Variants in PTGIS observed in about 807,000 individuals in gnomAD.
PTGIS encodes the protein prostacyclin synthase.
Under a neutral mutation model 50.3 loss-of-function variants are expected in PTGIS, and 45 were observed. That is an observed-to-expected ratio of 0.90 (90% CI 0.70 to 1.15). The LOEUF is 1.15. Ranked by LOEUF, PTGIS falls within the 50% of genes most tolerant of loss-of-function variation. PTGIS has a pLI of 0.00. For synonymous variants in PTGIS, 260 were observed against 267.7 expected (o/e 0.97, Z 0.28); for missense variants, 668 against 661.3 (o/e 1.01, Z -0.11).
At chr20:49,530,610 G>A (rs1601188856) in intron 5 of PTGIS, among the ~76,000 whole-genome samples, 1 of 152,076 alleles carries the variant, frequency 6.6e-6, no homozygotes, top group South Asian at 2.1e-4. Context: ...CATTTCTAAC[G>A]GGTGTGTGGT....
intron 1 of PTGIS, among the ~76,000 whole-genome samples, chr20:49,554,274 T>A (rs537727117): frequency 6.6e-6 from 1 of 152,306 alleles, no homozygotes; most frequent in African/African-American, 2.4e-5. Context: ...TGCTTTATCA[T>A]AAAGGTCTAA....
At chr20:49,535,246 T>A (rs549478146) in intron 5 of PTGIS, among the ~76,000 whole-genome samples, 115 of 152,310 alleles carry the variant, frequency 7.6e-4, no homozygotes, top group African/African-American at 2.8e-3. Context: ...TTCTTCCCTT[T>A]AGGTAGGCGG....
chr20:49,537,147 C>T (rs147891303), intron 5 of PTGIS, among the ~76,000 whole-genome samples: 1 of 152,200 alleles, frequency 6.6e-6, no homozygotes, highest in African/African-American at 2.4e-5. Flanking sequence ...TCCAAGCTCT[C>T]CCCTGGAGAC....
intron 1 of PTGIS, among the ~76,000 whole-genome samples, chr20:49,563,567 T>G (rs2054325002): frequency 6.6e-6 from 1 of 152,158 alleles, no homozygotes; most frequent in South Asian, 2.1e-4. Flanking sequence ...TATTGCTAGA[T>G]CTTCCCATTT....
chr20:49,554,803 C>T (rs1048447731), intron 1 of PTGIS, among the ~76,000 whole-genome samples: 1 of 152,110 alleles, frequency 6.6e-6, no homozygotes, highest in African/African-American at 2.4e-5. Flanking sequence ...TTATCCCACC[C>T]TTTAAAAAAT....
intron 6 of PTGIS, among the ~76,000 whole-genome samples, chr20:49,521,581 C>T (rs1341906291): frequency 6.6e-6 from 1 of 152,208 alleles, no homozygotes; most frequent in Non-Finnish European, 1.5e-5. Context: ...TCCAAGTCAT[C>T]TCTGCACATA....
At chr20:49,517,361 C>T (rs569362599) in intron 6 of PTGIS, among the ~76,000 whole-genome samples, 19 of 152,320 alleles carry the variant, frequency 1.2e-4, no homozygotes, top group Middle Eastern at 3.4e-3. Context: ...AACACATGGG[C>T]GCTTGGCTAT....
chr20:49,531,688 C>T (rs1283304809), intron 5 of PTGIS, among the ~76,000 whole-genome samples: 1 of 152,102 alleles, frequency 6.6e-6, no homozygotes, highest in Non-Finnish European at 1.5e-5. Context: ...AGTGCAATGG[C>T]GTAGTCTGGC....
At chr20:49,544,235 C>T in intron 4 of PTGIS, 70 bp downstream of exon 4, 2 of 1,594,482 alleles carry the variant, frequency 1.3e-6, no homozygotes, top group East Asian at 4.5e-5. Context: ...GTTCCCTTGG[C>T]CACTGCTCAT....
chr20:49,523,040 A>G (rs1291863846), intron 6 of PTGIS, among the ~76,000 whole-genome samples: 1 of 152,166 alleles, frequency 6.6e-6, no homozygotes, highest in Non-Finnish European at 1.5e-5. Flanking sequence ...TAAAAAAATT[A>G]AAAGAAAAGA....
At chr20:49,549,842 C>T (rs1982459451) in intron 2 of PTGIS, among the ~76,000 whole-genome samples, 1 of 152,048 alleles carries the variant, frequency 6.6e-6, no homozygotes, top group Non-Finnish European at 1.5e-5. Context: ...CATAACTCCA[C>T]GCTGGGAAGA....
chr20:49,525,134 A>G (rs1157923420), intron 5 of PTGIS, among the ~76,000 whole-genome samples: 1 of 152,146 alleles, frequency 6.6e-6, no homozygotes, highest in African/African-American at 2.4e-5. Context: ...TGGAGTCTCA[A>G]ACTCAACTCA....
chr20:49,538,256 GAAAAAAAAAAAAAA>G (rs58986753), intron 5 of PTGIS, among the ~76,000 whole-genome samples: 39 of 30,294 alleles, frequency 1.3e-3, no homozygotes, highest in African/African-American at 3.7e-3. Flanking sequence ...CCCTGGTTCA[GAAAAAAAAAAAAAA>G]AAAAAAAAAA....
At chr20:49,557,277 T>C (rs1982642708) in intron 1 of PTGIS, among the ~76,000 whole-genome samples, 1 of 152,094 alleles carries the variant, frequency 6.6e-6, no homozygotes. Context: ...TAAAATGCTT[T>C]CTCCAAAAGA....
chr20:49,529,502 T>C (rs1000828464), intron 5 of PTGIS, among the ~76,000 whole-genome samples: 4 of 152,242 alleles, frequency 2.6e-5, no homozygotes, highest in Non-Finnish European at 5.9e-5. Context: ...TCCTGTCTTA[T>C]CCAGTTTCAC....
At chr20:49,558,713 AT>A (rs33976646) in intron 1 of PTGIS, among the ~76,000 whole-genome samples, 48,290 of 143,598 alleles carry the variant, frequency 0.34, 8,515 homozygotes, top group African/African-American at 0.49. Context: ...AAGTTAGACA[AT>A]TTTTTTTTTT....
At chr20:49,527,383 G>T (rs981306258) in intron 5 of PTGIS, among the ~76,000 whole-genome samples, 2 of 152,138 alleles carry the variant, frequency 1.3e-5, no homozygotes, top group African/African-American at 2.4e-5. Context: ...CTTGAACCCG[G>T]GAGGCGGAGA....
intron 1 of PTGIS, among the ~76,000 whole-genome samples, chr20:49,560,232 C>T (rs1182466889): frequency 6.7e-6 from 1 of 149,060 alleles, no homozygotes. Flanking sequence ...GAATTATACA[C>T]TTTAAAAGGG....
Position 49,533,335 on chromosome 20 carries a change from T to C in PTGIS, c.673+6235A>G, listed in dbSNP as rs2122867564. 1.3e-5 allele frequency among the ~76,000 whole-genome samples: 2 copies of C among 152,196 alleles called. 1 individual carries two copies. On this transcript the variant is annotated intron_variant, in intron 5 of 9. Coordinates refer to ENST00000244043, the MANE Select transcript of PTGIS (RefSeq NM_000961.4). ...CTTTTTCCCCAAAACAATGTTCAAA[T>C]AAACAGCCCCCCAAAATAATCCAGT...
Sources: gnomAD v4.1 joint callset for allele counts (sites outside exome capture counted in the v4.1 genomes callset) on GRCh38, gnomAD v4.1.1 for gene constraint, MANE v1.5 for transcripts, NCBI Gene and HGNC (gene_info 2026-07-23, HGNC 2026-07-21) for gene names.